STK32B: variants seen among roughly 807,000 people sequenced by gnomAD.
STK32B encodes the protein serine/threonine-protein kinase 32B.
A neutral mutation model predicts 52.6 loss-of-function variants in STK32B; 43 were observed. The observed-to-expected ratio is 0.82, with a 90% CI of 0.64 to 1.05. The LOEUF is 1.05. STK32B is among the 50% of genes least tolerant of loss of function. The pLI is 0.00. For synonymous variants in STK32B, 238 were observed against 204.3 expected (o/e 1.17, Z -1.41); for missense variants, 621 against 534.6 (o/e 1.16, Z -1.59).
Position 5,250,064 on chromosome 4 carries a change from A to G in STK32B, c.261-81156A>G, listed in dbSNP as rs111806110. Among the ~76,000 whole-genome samples the G allele has an allele frequency of 8.6e-3, 1,312 of 152,232 alleles. 12 individuals carry two copies. The highest frequency in any genetic ancestry group is 0.029 in the African/African-American group (1,221 of 41,540). ...AGGGGAATGACCTCCAGTTGCATCC[A>G]TGTCCCTGCAAAGGACATGATCTCA... On this transcript the variant is annotated intron_variant, in intron 3 of 11. Coordinates refer to ENST00000282908, the MANE Select transcript of STK32B (RefSeq NM_018401.3).
At chr4:5,322,907 T>G (rs1011969673) in intron 3 of STK32B, among the ~76,000 whole-genome samples, 1 of 152,192 alleles carries the variant, frequency 6.6e-6, no homozygotes, top group African/African-American at 2.4e-5. Flanking sequence ...GGCTGACCTT[T>G]AGTTTGTAAG....
intron 6 of STK32B, among the ~76,000 whole-genome samples, chr4:5,446,112 C>T (rs1183828761): frequency 6.6e-6 from 1 of 152,238 alleles, no homozygotes; most frequent in Admixed American, 6.5e-5. Context: ...GTGGACGGCC[C>T]TTCCATGCCC....
At chr4:5,143,468 T>C (rs1716661432) in intron 2 of STK32B, among the ~76,000 whole-genome samples, 1 of 152,140 alleles carries the variant, frequency 6.6e-6, no homozygotes, top group African/African-American at 2.4e-5. Flanking sequence ...CCTCACTTCC[T>C]CCTTCTCACA....
At chr4:5,264,118 A>G (rs1039838872) in intron 3 of STK32B, among the ~76,000 whole-genome samples, 2 of 152,214 alleles carry the variant, frequency 1.3e-5, no homozygotes, top group African/African-American at 4.8e-5. Context: ...GTCTGCTGTG[A>G]ACATTCCTGT....
At chr4:5,412,011 T>C (rs1159757841) in intron 5 of STK32B, among the ~76,000 whole-genome samples, 4 of 152,016 alleles carry the variant, frequency 2.6e-5, no homozygotes, top group Non-Finnish European at 5.9e-5. Context: ...TTAGTGAAAA[T>C]CTACCAAGAA....
At chr4:5,359,812 C>T (rs1019768551) in intron 4 of STK32B, among the ~76,000 whole-genome samples, 1 of 152,060 alleles carries the variant, frequency 6.6e-6, no homozygotes, top group African/African-American at 2.4e-5. Context: ...GCTGGAGCAA[C>T]ATGAATATTG....
At chr4:5,480,769 T>C (rs1718627542) in intron 11 of STK32B, among the ~76,000 whole-genome samples, 1 of 151,968 alleles carries the variant, frequency 6.6e-6, no homozygotes, top group Admixed American at 6.6e-5. Flanking sequence ...TGTGTAATGT[T>C]CCCCTTCCTG....
intron 1 of STK32B, among the ~76,000 whole-genome samples, chr4:5,060,530 T>C (rs80161101): frequency 0.041 from 6,239 of 152,256 alleles, 173 homozygotes; most frequent in African/African-American, 0.072. Context: ...TTCTGTACAC[T>C]TTTTGGTTTA....
chr4:5,495,983 C>T (rs998339586), intron 11 of STK32B, among the ~76,000 whole-genome samples: 4 of 151,298 alleles, frequency 2.6e-5, no homozygotes, highest in Admixed American at 2.0e-4. Flanking sequence ...TCAGTCTGCC[C>T]CTACTGGGGG....
At position 5,417,029 on chromosome 4, in the gene STK32B, C is replaced by T; in HGVS notation, c.562+95C>T. On this transcript the variant is annotated intron_variant, in intron 6 of 11. Transcript: ENST00000282908. ...TTTCATCTGCCACTGCCCGCTGCCA[C>T]ATACCCTCCCATGCTCACATGAGGT... 2.8e-6 allele frequency: 3 copies of T among 1,081,582 alleles called. No homozygotes were observed. In the South Asian group the frequency reaches 4.5e-5, roughly 16 times the overall value. The allele number at this position is 1,081,582 out of a possible 1,614,324, so 67.0% of individuals were successfully genotyped here.
chr4:5,115,410 C>A (rs1296020157), intron 1 of STK32B, among the ~76,000 whole-genome samples: 1 of 152,194 alleles, frequency 6.6e-6, no homozygotes, highest in Non-Finnish European at 1.5e-5. Context: ...TCCAGCATTA[C>A]AGGAAACATT....
At chr4:5,440,034 G>A (rs1241282487) in intron 6 of STK32B, among the ~76,000 whole-genome samples, 1 of 152,170 alleles carries the variant, frequency 6.6e-6, no homozygotes, top group African/African-American at 2.4e-5. Flanking sequence ...AAGTCAGGTA[G>A]TGTGATGCCT....
At chr4:5,494,155 A>G (rs1719994321) in intron 11 of STK32B, among the ~76,000 whole-genome samples, 1 of 152,088 alleles carries the variant, frequency 6.6e-6, no homozygotes, top group Non-Finnish European at 1.5e-5. Flanking sequence ...TGTCTCGTTG[A>G]TCTGTCTAAT....
chr4:5,497,015 T>C (rs1363654049), intron 11 of STK32B, among the ~76,000 whole-genome samples: 1 of 152,174 alleles, frequency 6.6e-6, no homozygotes, highest in Non-Finnish European at 1.5e-5. Flanking sequence ...AGTTTTAAGA[T>C]GGTATATTGT....
At chr4:5,202,225 C>T (rs563991712) in intron 3 of STK32B, among the ~76,000 whole-genome samples, 4 of 152,326 alleles carry the variant, frequency 2.6e-5, no homozygotes, top group African/African-American at 9.6e-5. Flanking sequence ...AGCAGGGCAA[C>T]CATTAAATCT....
chr4:5,345,891 A>T (rs2108977657), intron 4 of STK32B, among the ~76,000 whole-genome samples: 1 of 152,318 alleles, frequency 6.6e-6, no homozygotes, highest in South Asian at 2.1e-4. Flanking sequence ...ATTTTTAGTG[A>T]CACTATTCAA....
At chr4:5,042,930 C>A in the STK32B span, among the ~76,000 whole-genome samples, 1 of 151,436 alleles carries the variant, frequency 6.6e-6, no homozygotes, top group Non-Finnish European at 1.5e-5. Flanking sequence ...CAAGGTGAAA[C>A]CCCGTCTCTA....
intron 4 of STK32B, among the ~76,000 whole-genome samples, chr4:5,389,846 G>A (rs111421492): frequency 1.0e-3 from 157 of 152,316 alleles, no homozygotes; most frequent in African/African-American, 3.4e-3. Context: ...AGAGTCTCCT[G>A]GATTATCCAG....
At chr4:5,104,568 G>A (rs1026884141) in intron 1 of STK32B, among the ~76,000 whole-genome samples, 8 of 152,160 alleles carry the variant, frequency 5.3e-5, no homozygotes, top group African/African-American at 1.9e-4. Flanking sequence ...AAGTGCATAA[G>A]GCATAAGTAT....
Sources: gnomAD v4.1 joint callset for allele counts (sites outside exome capture counted in the v4.1 genomes callset) on GRCh38, gnomAD v4.1.1 for gene constraint, MANE v1.5 for transcripts, NCBI Gene and HGNC (gene_info 2026-07-23, HGNC 2026-07-21) for gene names.